KCND3: variants seen among roughly 807,000 people sequenced by gnomAD.
KCND3 encodes A-type voltage-gated potassium channel KCND3.
In KCND3, 9 loss-of-function variants were observed where a neutral mutation model predicts 51.1. The observed-to-expected ratio is 0.18, with a 90% CI of 0.11 to 0.31. The LOEUF is 0.31. Among genes scored for constraint, KCND3 ranks in the 10% least tolerant of loss-of-function variants. The probability of loss-of-function intolerance (pLI) is 1.00; values close to 1 mark genes in which losing one functional copy is unlikely to be tolerated. For missense variants in KCND3, 526 were observed against 903.8 expected (o/e 0.58, Z 5.36); for synonymous variants, 349 against 368.0 (o/e 0.95, Z 0.59).
At chr1:111,969,911 A>G (rs1353908464) in intron 2 of KCND3, among the ~76,000 whole-genome samples, 1 of 151,606 alleles carries the variant, frequency 6.6e-6, no homozygotes, top group East Asian at 1.9e-4. Context: ...TCCTGCTGTG[A>G]CCCCTTGGCT....
intron 2 of KCND3, among the ~76,000 whole-genome samples, chr1:111,862,347 T>C (rs1253495426): frequency 2.0e-5 from 3 of 152,272 alleles, no homozygotes; most frequent in African/African-American, 7.2e-5. Flanking sequence ...GGCATAGCCA[T>C]GTTTCAATAG....
At chr1:111,950,003 C>T (rs749448653) in intron 2 of KCND3, among the ~76,000 whole-genome samples, 40 of 152,292 alleles carry the variant, frequency 2.6e-4, no homozygotes, top group African/African-American at 8.4e-4. Flanking sequence ...CTCCACCTCC[C>T]GGGTTCGAGC....
chr1:111,936,754 C>T (rs1672241233), intron 2 of KCND3, among the ~76,000 whole-genome samples: 1 of 152,214 alleles, frequency 6.6e-6, no homozygotes, highest in African/African-American at 2.4e-5. Flanking sequence ...CCTTCCTTTC[C>T]ACCACAGTGC....
intron 2 of KCND3, among the ~76,000 whole-genome samples, chr1:111,916,111 A>G (rs1189821058): frequency 6.6e-6 from 1 of 152,234 alleles, no homozygotes. Flanking sequence ...CGAACCAACA[A>G]CAGCACAATC....
chr1:111,957,219 G>T (rs1673384763), intron 2 of KCND3, among the ~76,000 whole-genome samples: 1 of 152,174 alleles, frequency 6.6e-6, no homozygotes, highest in Non-Finnish European at 1.5e-5. Context: ...TTCTCCAGGA[G>T]TGCTTCCCAA....
At chr1:111,903,655 T>C (rs1410750703) in intron 2 of KCND3, among the ~76,000 whole-genome samples, 1 of 152,224 alleles carries the variant, frequency 6.6e-6, no homozygotes, top group Admixed American at 6.5e-5. Flanking sequence ...TCTGAAAGAA[T>C]GCCAGGCTGG....
At chr1:111,877,546 G>A (rs1353151201) in intron 2 of KCND3, among the ~76,000 whole-genome samples, 1 of 152,238 alleles carries the variant, frequency 6.6e-6, no homozygotes. Flanking sequence ...GAAGAGAGGA[G>A]TGTGGAGGGA....
intron 2 of KCND3, among the ~76,000 whole-genome samples, chr1:111,811,253 G>C (rs1220414099): frequency 6.6e-6 from 1 of 152,060 alleles, no homozygotes; most frequent in African/African-American, 2.4e-5. Flanking sequence ...TTACTGAGTG[G>C]GGCAACAGTG....
chr1:111,981,610 C>G lies in KCND3; in HGVS notation c.1106+11G>C. ...CCTCCGTCCTGGTTTCATCCACCAGCGCTGACTTACCCCAGTGTGGTCATG... is the reference window on the plus strand; with the variant it reads ...CCTCCGTCCTGGTTTCATCCACCAGGGCTGACTTACCCCAGTGTGGTCATG... On this transcript the variant is annotated intron_variant, in intron 2 of 7. Coordinates refer to ENST00000302127, the MANE Select transcript of KCND3 (RefSeq NM_001378969.1). This position sits in a 1 kb window ranked among gnomAD's most constrained non-coding sequence, Gnocchi z 6.2. The G allele has an allele frequency of 6.2e-7, 1 of 1,614,112 alleles. No individual in the cohort carries two copies. The highest frequency in any genetic ancestry group is 1.1e-5 in the South Asian group (1 of 91,068).
At chr1:111,832,357 T>C (rs1180288042) in intron 2 of KCND3, among the ~76,000 whole-genome samples, 1 of 152,168 alleles carries the variant, frequency 6.6e-6, no homozygotes, top group Non-Finnish European at 1.5e-5. Flanking sequence ...TGGCAGTTCT[T>C]CTTTTGTTCT....
intron 2 of KCND3, among the ~76,000 whole-genome samples, chr1:111,960,173 G>A (rs1179144482): frequency 6.6e-6 from 1 of 152,104 alleles, no homozygotes; most frequent in African/African-American, 2.4e-5. Flanking sequence ...AGCAGCATGA[G>A]AACGGACTAA....
intron 2 of KCND3, among the ~76,000 whole-genome samples, chr1:111,849,734 G>A (rs1241220810): frequency 3.9e-5 from 6 of 152,174 alleles, no homozygotes; most frequent in Admixed American, 3.9e-4. Flanking sequence ...ATGCCATTTA[G>A]CTTGTCCAGG....
At chr1:111,789,828 T>C (rs1664755906) in intron 2 of KCND3, among the ~76,000 whole-genome samples, 1 of 152,202 alleles carries the variant, frequency 6.6e-6, no homozygotes, top group Admixed American at 6.5e-5. Context: ...CCAGACCTAT[T>C]GCATCATGAT....
chr1:111,977,104 G>T (rs997515898), intron 2 of KCND3, among the ~76,000 whole-genome samples: 1 of 152,368 alleles, frequency 6.6e-6, no homozygotes, highest in Admixed American at 6.5e-5. Flanking sequence ...AAGTCCCCTA[G>T]GCAGGGGCCC....
chr1:111,862,973 C>G (rs781518475), intron 2 of KCND3, among the ~76,000 whole-genome samples: 4 of 152,190 alleles, frequency 2.6e-5, no homozygotes, highest in Non-Finnish European at 5.9e-5. Flanking sequence ...CACCTTGGCA[C>G]TGGACATTTG....
At chr1:111,915,718 A>G (rs1367376314) in intron 2 of KCND3, among the ~76,000 whole-genome samples, 1 of 144,714 alleles carries the variant, frequency 6.9e-6, no homozygotes, top group Non-Finnish European at 1.5e-5. Context: ...ACGCCACTGC[A>G]CTCCAGCCTG....
chr1:111,872,002 C>T (rs1031714013), intron 2 of KCND3, among the ~76,000 whole-genome samples: 1 of 152,086 alleles, frequency 6.6e-6, no homozygotes, highest in South Asian at 2.1e-4. Context: ...GAGCAAGTTC[C>T]GTGGAGCAGC....
At chr1:111,821,332 T>C (rs1571692530) in intron 2 of KCND3, among the ~76,000 whole-genome samples, 2 of 152,344 alleles carry the variant, frequency 1.3e-5, no homozygotes, top group East Asian at 3.9e-4. Flanking sequence ...ACAGGAGTCC[T>C]GGGTCTCAAC....
intron 2 of KCND3, among the ~76,000 whole-genome samples, chr1:111,884,080 G>A (rs1024939002): frequency 3.3e-5 from 5 of 152,236 alleles, no homozygotes; most frequent in Middle Eastern, 3.4e-3. Flanking sequence ...TATTTGTTCC[G>A]GAATGAATAA....
Sources: gnomAD v4.1 joint callset for allele counts (sites outside exome capture counted in the v4.1 genomes callset) on GRCh38, gnomAD v4.1.1 for gene constraint, Gnocchi (gnomAD v3.1) non-coding constraint, MANE v1.5 for transcripts, NCBI Gene and HGNC (gene_info 2026-07-23, HGNC 2026-07-21) for gene names.